KDM4C: variants seen among roughly 807,000 people sequenced by gnomAD.
KDM4C encodes lysine demethylase 4C.
KDM4C carries 81 observed loss-of-function variants against 129.3 expected under a neutral mutation model. The ratio of observed to expected loss-of-function variants is 0.63; its 90% CI spans 0.52 to 0.75. KDM4C has a LOEUF of 0.75. Among genes scored for constraint, KDM4C ranks in the 30% least tolerant of loss-of-function variants. The probability of loss-of-function intolerance (pLI) is 0.00; values close to 1 mark genes in which losing one functional copy is unlikely to be tolerated. For missense variants in KDM4C, 1,457 were observed against 1,304.0 expected, an observed-to-expected ratio of 1.12 and a Z score of -1.81; for synonymous variants, 573 against 456.1, an observed-to-expected ratio of 1.26 and a Z score of -3.26.
At chr9:7,104,043 C>T in intron 18 of KDM4C, 173 bp downstream of exon 18, 1 of 611,198 alleles carries the variant, frequency 1.6e-6, no homozygotes, top group South Asian at 2.1e-5. Flanking sequence ...CTGGTATTTG[C>T]CTAGGACCTG....
At chr9:6,723,854 T>C (rs1817038527) in intron 1 of KDM4C, 1 of 152,192 alleles carries the variant, frequency 6.6e-6, no homozygotes, top group Admixed American at 6.6e-5. Context: ...TATGATGTTT[T>C]ATTTAGTGAA....
intron 1 of KDM4C, among the ~76,000 whole-genome samples, chr9:6,772,887 G>A (rs1317015544): frequency 2.0e-5 from 3 of 148,294 alleles, no homozygotes; most frequent in Non-Finnish European, 3.0e-5. Flanking sequence ...GTAGAGATGG[G>A]GTTTCACCAT....
chr9:6,953,652 C>T (rs1226491222), intron 8 of KDM4C, among the ~76,000 whole-genome samples: 3 of 152,148 alleles, frequency 2.0e-5, no homozygotes, highest in African/African-American at 7.2e-5. Flanking sequence ...TTTACCAATT[C>T]ATGTGGACCT....
chr9:6,736,805 C>A (rs1213896264), intron 1 of KDM4C, among the ~76,000 whole-genome samples: 2 of 152,092 alleles, frequency 1.3e-5, no homozygotes, highest in South Asian at 2.1e-4. Flanking sequence ...AATCCCAGAA[C>A]TTTTGGAGGC....
At chr9:7,073,402 G>C (rs532055147) in intron 17 of KDM4C, among the ~76,000 whole-genome samples, 1 of 152,310 alleles carries the variant, frequency 6.6e-6, no homozygotes, top group South Asian at 2.1e-4. Context: ...TATTTTATAT[G>C]TTATATAGAT....
chr9:6,817,199 C>G (rs987058891), intron 4 of KDM4C, among the ~76,000 whole-genome samples: 1 of 137,020 alleles, frequency 7.3e-6, no homozygotes, highest in African/African-American at 2.7e-5. Context: ...CCCCCTGCCC[C>G]CCCCCCCACT....
At chr9:6,807,982 A>G (rs1358046748) in intron 3 of KDM4C, among the ~76,000 whole-genome samples, 1 of 98,130 alleles carries the variant, frequency 1.0e-5, no homozygotes, top group South Asian at 3.8e-4. Context: ...CCCGTCCGGG[A>G]GGGAGGTGGG....
intron 19 of KDM4C, among the ~76,000 whole-genome samples, chr9:7,144,205 C>T (rs1172351499): frequency 6.6e-6 from 1 of 151,852 alleles, no homozygotes. Context: ...CTCACCTCGG[C>T]CTCCCAAACT....
At chr9:7,026,020 T>G (rs1215851360) in intron 15 of KDM4C, among the ~76,000 whole-genome samples, 1 of 151,816 alleles carries the variant, frequency 6.6e-6, no homozygotes, top group Non-Finnish European at 1.5e-5. Flanking sequence ...TCCTGGAAAA[T>G]GTGGCAAAGC....
chr9:6,850,619 A>G (rs1012810842), intron 5 of KDM4C, among the ~76,000 whole-genome samples: 3 of 151,868 alleles, frequency 2.0e-5, no homozygotes, highest in Non-Finnish European at 4.4e-5. Flanking sequence ...TTTAGTAGAG[A>G]CAGGGTTTCA....
intron 8 of KDM4C, among the ~76,000 whole-genome samples, chr9:6,966,324 A>C (rs891966555): frequency 3.3e-5 from 5 of 152,220 alleles, no homozygotes; most frequent in African/African-American, 1.2e-4. Flanking sequence ...CTGGGAATAC[A>C]GGCGCCCGCC....
At chr9:7,140,720 G>T (rs1419303361) in intron 19 of KDM4C, among the ~76,000 whole-genome samples, 1 of 152,306 alleles carries the variant, frequency 6.6e-6, no homozygotes, top group Non-Finnish European at 1.5e-5. Flanking sequence ...ATCATGCTGG[G>T]TTCTGGGAAA....
chr9:6,826,900 A>G lies in KDM4C; in HGVS notation c.435+12155A>G, dbSNP rs545089347. On this transcript the variant is annotated intron_variant, in intron 4 of 21. Coordinates refer to ENST00000381309, the MANE Select transcript of KDM4C (RefSeq NM_015061.6). Reference sequence around the variant, plus strand: ...AAAAAAGAAAATGTATCTTATTTTTATTGTTTTTATTGGCAGGATGGTTTT... The same window carrying G: ...AAAAAAGAAAATGTATCTTATTTTTGTTGTTTTTATTGGCAGGATGGTTTT... Among the ~76,000 whole-genome samples, 34 of 151,810 alleles carry G rather than the reference A, an allele frequency of 2.2e-4. 1 individual carries two copies. The East Asian group carries it at 6.2e-3, about 28-fold the overall frequency.
intron 8 of KDM4C, among the ~76,000 whole-genome samples, chr9:6,931,104 G>C (rs1823643088): frequency 6.6e-6 from 1 of 151,928 alleles, no homozygotes; most frequent in South Asian, 2.1e-4. Context: ...ATAGGCACTT[G>C]GAACCCTCTC....
At chr9:7,068,086 G>A (rs965749275) in intron 17 of KDM4C, among the ~76,000 whole-genome samples, 2 of 152,128 alleles carry the variant, frequency 1.3e-5, no homozygotes, top group Non-Finnish European at 1.5e-5. Flanking sequence ...GTGAGCCACC[G>A]CACCCAGCTG....
At chr9:6,773,723 A>G (rs1046478454) in intron 1 of KDM4C, among the ~76,000 whole-genome samples, 6 of 151,262 alleles carry the variant, frequency 4.0e-5, no homozygotes, top group African/African-American at 7.3e-5. Context: ...GTGAGTCAAG[A>G]TCGCACCATG....
chr9:6,757,818 A>G, upstream of KDM4C: 1 of 985,646 alleles, frequency 1.0e-6, no homozygotes. Context: ...AAAGGACAAG[A>G]AGATGCGCGC....
intron 1 of KDM4C, chr9:6,723,630 C>CAA (rs4008336): frequency 1.3e-4 from 15 of 112,104 alleles, no homozygotes; most frequent in Non-Finnish European, 1.5e-4. Flanking sequence ...GACTCCATCT[C>CAA]AAAAAAAAAA....
rs1243399684 is a variant in KDM4C at position 6,740,943 on chromosome 9, G to C, written c.49+19946G>C. 2.0e-5 allele frequency among the ~76,000 whole-genome samples: 3 copies of C among 151,338 alleles called. No homozygotes were observed. The Admixed American group carries it at 2.0e-4, about 10-fold the overall frequency. On this transcript the variant is annotated intron_variant, in intron 1 of 17. Transcript: ENST00000536108. ...CCCAGGTTCAAGTGATTCTGCCTCAGTCTCCTGAGTAGCTGGGACTACAGA... is the reference window on the plus strand; with the variant it reads ...CCCAGGTTCAAGTGATTCTGCCTCACTCTCCTGAGTAGCTGGGACTACAGA...
Sources: allele counts gnomAD v4.1 joint callset (sites outside exome capture counted in the v4.1 genomes callset), GRCh38; gene constraint gnomAD v4.1.1; transcripts MANE v1.5; gene names NCBI Gene and HGNC (gene_info 2026-07-23, HGNC 2026-07-21).